The following RPS15 variants were observed in gnomAD, a reference collection of about 807,000 sequenced individuals.
RPS15 encodes small ribosomal subunit protein uS19.
Under a neutral mutation model 14.9 loss-of-function variants are expected in RPS15, and 5 were observed. The ratio of observed to expected loss-of-function variants is 0.34; its 90% CI spans 0.18 to 0.70. RPS15 has a LOEUF of 0.70. Among genes scored for constraint, RPS15 ranks in the 30% least tolerant of loss-of-function variants. The pLI is 0.65. For missense variants in RPS15, 102 were observed against 204.2 expected (o/e 0.50, Z 3.05); for synonymous variants, 103 against 85.0 (o/e 1.21, Z -1.16).
chr19:1,440,331 G>C lies in RPS15; in HGVS notation c.325-18G>C. 6.2e-7 allele frequency: 1 copy of C among 1,612,928 alleles called. No homozygotes were observed. Among genetic ancestry groups the C allele is most frequent in the South Asian group, 1.1e-5 (1 of 91,024 alleles). On this transcript the variant is annotated intron_variant, in intron 3 of 3. Coordinates refer to ENST00000592588, the MANE Select transcript of RPS15 (RefSeq NM_001018.5). ...GCGGGATCAGCTGACACCCAGCTTT[G>C]CTCTTGGTCTCCCGCAGCCCGAGAT...
chr19:1,439,684 T>C (rs995808445), intron 2 of RPS15: 4 of 577,658 alleles, frequency 6.9e-6, no homozygotes, highest in African/African-American at 5.6e-5. Flanking sequence ...CGGGAGCCAC[T>C]GCGCCCTACC....
rs559322630 is a variant in RPS15 at position 1,440,253 on chromosome 19, G to A, written c.324G>A (p.Lys108=). 1 of 1,612,854 alleles carries A rather than the reference G, an allele frequency of 6.2e-7. No individual in the cohort carries two copies. The highest frequency in any genetic ancestry group is 1.3e-5 in the African/African-American group (1 of 75,062). ...NGKTFNQVEI[K]PEMIGHYLGE... ...AGACCTTCAACCAGGTGGAGATCAAGGTGTGTGCGGCCGTCCCTGCCGGCT... is the reference window on the plus strand; with the variant it reads ...AGACCTTCAACCAGGTGGAGATCAAAGTGTGTGCGGCCGTCCCTGCCGGCT... The change falls in exon 3 of 4, where the codon AAG becomes AAA. Residue 108 remains lysine, a splice_region_variant and synonymous_variant. Transcript: ENST00000592588.
intron 3 of RPS15, 31 bp downstream of exon 3, chr19:1,440,284 G>A (rs1600268186): frequency 6.2e-7 from 1 of 1,611,054 alleles, no homozygotes; most frequent in African/African-American, 1.3e-5. Flanking sequence ...CGGCTGGGGT[G>A]GGCTGGGGTC....
chr19:1,439,302 G>C, intron 2 of RPS15: 1 of 188,730 alleles, frequency 5.3e-6, no homozygotes, highest in South Asian at 9.9e-5. Context: ...TCATCCTGTC[G>C]CCCAGGCTGG....
At chr19:1,439,833 C>T (rs1306763515) in intron 2 of RPS15, 186 bp from the exon 3 acceptor site, 3 of 643,044 alleles carry the variant, frequency 4.7e-6, no homozygotes, top group Non-Finnish European at 8.4e-6. Context: ...AGGGGTGAGT[C>T]GCGCATATCT....
At position 1,438,993 on chromosome 19, in the gene RPS15, G is replaced by T; in HGVS notation, c.89+101G>T. ...GGGGTCCAAGCGCCTCTGCGGCGGT[G>T]GGCGGGCACGGTCTCCGCGCGGGTT... On this transcript the variant is annotated intron_variant, in intron 2 of 3. Coordinates refer to ENST00000592588, the MANE Select transcript of RPS15 (RefSeq NM_001018.5). This position sits in a 1 kb window ranked among gnomAD's most constrained non-coding sequence, Gnocchi z 4.8. The T allele has an allele frequency of 1.1e-6, 1 of 917,080 alleles. No individual in the cohort carries two copies. The highest frequency in any genetic ancestry group is 1.7e-5 in the South Asian group (1 of 58,636). The allele number at this position is 917,080 out of a possible 1,614,324, so 56.8% of individuals were successfully genotyped here. A position where few individuals can be genotyped will look rare whatever the true frequency, so the allele number is the denominator to read the frequency against.
At position 1,438,692 on chromosome 19, in the gene RPS15, C is replaced by G. The variant is rs573458233; in HGVS notation, c.4-115C>G. 6.5e-6 allele frequency: 10 copies of G among 1,533,498 alleles called. No homozygotes were observed. In the South Asian group the frequency reaches 7.2e-5, roughly 11 times the overall value. 95.0% of individuals were successfully genotyped at this position (1,533,498 alleles called of 1,614,324 possible). A position where few individuals can be genotyped will look rare whatever the true frequency, so the allele number is the denominator to read the frequency against. On this transcript the variant is annotated intron_variant, in intron 1 of 3. Transcript: ENST00000592588. This position sits in a 1 kb window ranked among gnomAD's most constrained non-coding sequence, Gnocchi z 4.8. Reference sequence around the variant, plus strand: ...CGGGGACGGGTCGAAGCGGTGTGTCCCTGTCGGGCTTCTGTCCCCGGCGGC... The same window carrying G: ...CGGGGACGGGTCGAAGCGGTGTGTCGCTGTCGGGCTTCTGTCCCCGGCGGC...
rs2144991036 is a variant in RPS15, at chr19:1,440,155, G to C, written c.226G>C (p.Val76Leu). 1.9e-6 allele frequency: 3 copies of C among 1,612,214 alleles called. No individual in the cohort carries two copies. The East Asian group carries it at 6.7e-5, about 36-fold the overall frequency. The change falls in exon 3 of 4, where the codon GTG becomes CTG. Residue 76 changes from valine (V) to leucine (L), a missense_variant. By Grantham distance (32) the Val-to-Leu change is conservative (BLOSUM62 1). Around this residue, in one of 2 missense-constraint regions of RPS15, gnomAD observed 32 missense variants for 107.4 expected, o/e 0.30. Coordinates refer to ENST00000592588, the MANE Select transcript of RPS15 (RefSeq NM_001018.5). ...EAPPMEKPEV[V>L]KTHLRDMIIL... is the part of the protein sequence containing the mutation. ...GCCGCCCATGGAGAAGCCGGAAGTG[G>C]TGAAGACGCACCTGCGGGACATGAT...
Position 1,438,725 on chromosome 19 carries a change from G to A in RPS15, c.4-82G>A. The A allele has an allele frequency of 2.6e-6, 4 of 1,537,988 alleles. No individual in the cohort carries two copies. Among genetic ancestry groups the A allele is most frequent in the Non-Finnish European group, 2.6e-6 (3 of 1,137,180 alleles). ...GCTTCTGTCCCCGGCGGCGCCGCGC[G>A]TCTTCCGCGGTGTCCTCGGGCCCGG... On this transcript the variant is annotated intron_variant, in intron 1 of 3. Coordinates refer to ENST00000592588, the MANE Select transcript of RPS15 (RefSeq NM_001018.5). This position sits in a 1 kb window ranked among gnomAD's most constrained non-coding sequence, Gnocchi z 4.8.
At chr19:1,439,923 C>G in intron 2 of RPS15, 96 bp from the exon 3 acceptor site, 1 of 1,039,348 alleles carries the variant, frequency 9.6e-7, no homozygotes, top group Non-Finnish European at 1.4e-6. Flanking sequence ...GGCTCTGTCC[C>G]TGGAGAGAAC....
intron 2 of RPS15, chr19:1,439,555 G>T (rs573036315): frequency 1.3e-5 from 4 of 298,744 alleles, no homozygotes; most frequent in Admixed American, 9.6e-5. Flanking sequence ...CACCGCGCCC[G>T]ACCTTGATTT....
At chr19:1,439,983 G>A in intron 2 of RPS15, 36 bp from the exon 3 acceptor site, 1 of 1,516,286 alleles carries the variant, frequency 6.6e-7, no homozygotes, top group Non-Finnish European at 8.9e-7. Context: ...CCCCAGGCCG[G>A]GCCGCTCACA....
In RPS15 at chr19:1,438,932, A is replaced by G; in HGVS notation, c.89+40A>G. ...GGGGGTCGCGGGCAGGGGCTGGGCC[A>G]GCGGTGGGGCTTGTCCGGGTGAGGG... is the stretch of plus-strand genomic sequence containing the variant. On this transcript the variant is annotated intron_variant, in intron 2 of 3. Coordinates refer to ENST00000592588, the MANE Select transcript of RPS15 (RefSeq NM_001018.5). The surrounding 1 kb of genome is among the most constrained non-coding windows in gnomAD (Gnocchi z 4.8). The G allele has an allele frequency of 6.8e-7, 1 of 1,470,072 alleles. No individual in the cohort carries two copies. Among genetic ancestry groups the G allele is most frequent in the South Asian group, 1.2e-5 (1 of 83,072 alleles). 91.1% of individuals were successfully genotyped at this position (1,470,072 alleles called of 1,614,324 possible). A position where few individuals can be genotyped will look rare whatever the true frequency, so the allele number is the denominator to read the frequency against.
Position 1,440,492 on chromosome 19 carries a change from C to T in RPS15, c.*30C>T, listed in dbSNP as rs2083646411. ...TCAGCTAATAAAGGCGCACATGACTCCAGTCCTTTGCGCAGCTTGTTCTTC... is the reference window on the plus strand; with the variant it reads ...TCAGCTAATAAAGGCGCACATGACTTCAGTCCTTTGCGCAGCTTGTTCTTC... On this transcript the variant is annotated 3_prime_UTR_variant, in exon 4 of 4. Transcript: ENST00000592588. 1 of 1,530,424 alleles carries T rather than the reference C, an allele frequency of 6.5e-7. No individual in the cohort carries two copies. The highest frequency in any genetic ancestry group is 1.4e-5 in the African/African-American group (1 of 73,212). 94.8% of individuals were successfully genotyped at this position (1,530,424 alleles called of 1,614,324 possible).
Position 1,438,492 on chromosome 19 carries a change from C to T in RPS15, c.3+64C>T, listed in dbSNP as rs764104666. On this transcript the variant is annotated intron_variant, in intron 1 of 3. Coordinates refer to ENST00000592588, the MANE Select transcript of RPS15 (RefSeq NM_001018.5). The surrounding 1 kb of genome is among the most constrained non-coding windows in gnomAD (Gnocchi z 4.8). ...CCGGCTCCATCCAACCTCTGACCGT[C>T]TCGCGGGGGCCGCAGTTCGTCCCCG... The T allele has an allele frequency of 1.2e-6, 2 of 1,612,020 alleles. No individual in the cohort carries two copies. The highest frequency in any genetic ancestry group is 1.3e-5 in the African/African-American group (1 of 74,902).
In RPS15 at chr19:1,438,904, C is replaced by T. The variant is rs761188519; in HGVS notation, c.89+12C>T. The T allele has an allele frequency of 3.9e-6, 6 of 1,552,914 alleles. No homozygotes were observed. In the African/African-American group the frequency reaches 5.5e-5, roughly 14 times the overall value. ...CTGGACATGTCCTAGTAAGGGCGGCCGCGGGGGTCGCGGGCAGGGGCTGGG... is the reference window on the plus strand; with the variant it reads ...CTGGACATGTCCTAGTAAGGGCGGCTGCGGGGGTCGCGGGCAGGGGCTGGG... On this transcript the variant is annotated intron_variant, in intron 2 of 3. Transcript: ENST00000592588. The surrounding 1 kb of genome is among the most constrained non-coding windows in gnomAD (Gnocchi z 4.8).
chr19:1,440,228 A>G lies in RPS15; in HGVS notation c.299A>G (p.Lys100Arg). 6.2e-7 allele frequency: 1 copy of G among 1,613,126 alleles called. No individual in the cohort carries two copies. ...VGSMVGVYNG[K>R]TFNQVEIKPE... ...AGCATGGTGGGCGTCTACAACGGCA[A>G]GACCTTCAACCAGGTGGAGATCAAG... The change falls in exon 3 of 4, where the codon AAG becomes AGG. Residue 100 changes from lysine (K) to arginine (R), a missense_variant. Lys to Arg is a conservative substitution (Grantham distance 26, BLOSUM62 2). Around this residue, in one of 2 missense-constraint regions of RPS15, gnomAD observed 32 missense variants for 107.4 expected, o/e 0.30. Transcript: ENST00000592588.
Position 1,440,056 on chromosome 19 carries a change from C to A in RPS15, c.127C>A (p.Arg43=), listed in dbSNP as rs2083641046. ...LMQLYSARQR[R]RLNRGLRRKQ... ...GCAGCTGTACAGTGCGCGCCAGCGG[C>A]GGCGGCTGAACCGGGGCCTGCGGCG... Residue 43 remains arginine, a synonymous_variant, in exon 3 of 4, where the codon CGG becomes AGG. Transcript: ENST00000592588. 6.4e-7 allele frequency: 1 copy of A among 1,560,060 alleles called. No homozygotes were observed. The highest frequency in any genetic ancestry group is 1.2e-5 in the South Asian group (1 of 84,792).
Position 1,438,449 on chromosome 19 carries a change from C to G in RPS15, c.3+21C>G, listed in dbSNP as rs200194144. On this transcript the variant is annotated intron_variant, in intron 1 of 3. Transcript: ENST00000592588. This position sits in a 1 kb window ranked among gnomAD's most constrained non-coding sequence, Gnocchi z 4.8. The stretch of plus-strand genomic sequence containing the variant: ...AGATGGTGAGTGTTGCGATTTGGCG[C>G]GTCTCTGCCGGGCCTATCCGGCTCC... The G allele has an allele frequency of 6.2e-7, 1 of 1,613,356 alleles. No individual in the cohort carries two copies. Among genetic ancestry groups the G allele is most frequent in the Non-Finnish European group, 8.5e-7 (1 of 1,179,890 alleles).
Sources: gnomAD v4.1 joint callset for allele counts on GRCh38, gnomAD v4.1.1 for gene constraint, gnomAD v4.1.1 regional missense constraint, Gnocchi (gnomAD v3.1) non-coding constraint, MANE v1.5 for transcripts, NCBI Gene and HGNC (gene_info 2026-07-23, HGNC 2026-07-21) for gene names.